ABCC1: variants seen among roughly 807,000 people sequenced by gnomAD.
ABCC1 encodes the protein multidrug resistance-associated protein 1.
ABCC1 carries 83 observed loss-of-function variants against 172.9 expected under a neutral mutation model. The observed-to-expected ratio is 0.48, with a 90% confidence interval of 0.40 to 0.58. The LOEUF (loss-of-function observed/expected upper bound fraction) is 0.58. Among genes scored for constraint, ABCC1 ranks in the 20% least tolerant of loss-of-function variants. The pLI is 0.00. For missense variants in ABCC1, 1,817 were observed against 2,002.7 expected (o/e 0.91, Z 1.77); for synonymous variants, 937 against 825.2 (o/e 1.14, Z -2.32).
intron 14 of ABCC1, among the ~76,000 whole-genome samples, chr16:16,073,064 T>C (rs927346282): frequency 2.0e-5 from 3 of 149,478 alleles, no homozygotes; most frequent in African/African-American, 7.4e-5. Context: ...AAAATAATAA[T>C]AATAAATATT....
At chr16:16,032,583 G>A (rs367819029) in intron 5 of ABCC1, among the ~76,000 whole-genome samples, 2 of 152,346 alleles carry the variant, frequency 1.3e-5, no homozygotes, top group Non-Finnish European at 2.9e-5. Context: ...AGAATTCCAT[G>A]AGGATATAAA....
intron 1 of ABCC1, among the ~76,000 whole-genome samples, chr16:15,987,137 T>G (rs1399882461): frequency 1.3e-5 from 2 of 152,078 alleles, no homozygotes; most frequent in Non-Finnish European, 1.5e-5. Flanking sequence ...TGCAGTCCAG[T>G]CTGGGCAACA....
In ABCC1 at chr16:16,042,173, GTTT is replaced by G. The variant is rs57457665; in HGVS notation, c.810-2259_810-2257del. 7.5e-3 allele frequency among the ~76,000 whole-genome samples: 1,003 copies of G among 133,792 alleles called. 15 individuals are homozygous for G. Among genetic ancestry groups the G allele is most frequent in the African/African-American group, 0.024 (900 of 36,864 alleles). 87.8% of individuals were successfully genotyped at this position (133,792 alleles called of 152,430 possible). A position where few individuals can be genotyped will look rare whatever the true frequency, so the allele number is the denominator to read the frequency against. ...TCTGTGACTCTGGAAGAGTTTGGCA[GTTT>G]TTTTTTTTTTTTTTTTTAAGTTAGA... is the stretch of plus-strand genomic sequence containing the variant. On this transcript the variant is annotated intron_variant, in intron 7 of 30. Coordinates refer to ENST00000399410, the MANE Select transcript of ABCC1 (RefSeq NM_004996.4).
At chr16:16,028,534 T>C (rs1171742579) in intron 5 of ABCC1, among the ~76,000 whole-genome samples, 8 of 152,164 alleles carry the variant, frequency 5.3e-5, no homozygotes, top group Admixed American at 5.2e-4. Context: ...TGAAATGGAT[T>C]TGCAATTCCC....
chr16:16,087,355 C>T lies in ABCC1; in HGVS notation c.2460+364C>T, dbSNP rs142689614. Among the ~76,000 whole-genome samples, 291 of 152,240 alleles carry T rather than the reference C, an allele frequency of 1.9e-3. 1 individual carries two copies. The highest frequency in any genetic ancestry group is 3.5e-3 in the Non-Finnish European group (239 of 68,016). On this transcript the variant is annotated intron_variant, in intron 18 of 30. Transcript: ENST00000399410. Reference sequence around the variant, plus strand: ...CAGAGGTGTCTGTGGGTAGAGGGGTCGGAAAATTGCCACAACACCTTAACA... The same window carrying T: ...CAGAGGTGTCTGTGGGTAGAGGGGTTGGAAAATTGCCACAACACCTTAACA...
chr16:16,132,945 G>A (rs1220095580), intron 27 of ABCC1, among the ~76,000 whole-genome samples: 1 of 152,108 alleles, frequency 6.6e-6, no homozygotes, highest in East Asian at 1.9e-4. Flanking sequence ...TCCCCCGCCT[G>A]GCTCTTTCTA....
rs572838375 is a variant in ABCC1 at position 15,993,996 on chromosome 16, C to T, written c.49-13820C>T. ...CTCTAATCCCGGCACTCTGGGAGGC[C>T]GAGGCGGGCAGACTGAGTTCAAGAC... On this transcript the variant is annotated intron_variant, in intron 1 of 30. Coordinates refer to ENST00000399410, the MANE Select transcript of ABCC1 (RefSeq NM_004996.4). Among the ~76,000 whole-genome samples the T allele has an allele frequency of 8.5e-5, 13 of 152,136 alleles. No individual in the cohort carries two copies. The East Asian group carries it at 1.9e-3, about 23-fold the overall frequency.
chr16:16,141,197 A>C lies in ABCC1; in HGVS notation c.4512A>C (p.Glu1504Asp). 6.2e-7 allele frequency: 1 copy of C among 1,613,924 alleles called. No individual in the cohort carries two copies. The highest frequency in any genetic ancestry group is 8.5e-7 in the Non-Finnish European group (1 of 1,179,922). The change falls in exon 31 of 31, where the codon GAA (glutamate) becomes GAC (aspartate). Residue 1504 changes from glutamate (E) to aspartate (D), a missense_variant. Around this residue, in one of 3 missense-constraint regions of ABCC1, gnomAD observed 1,412 missense variants for 1,600.3 expected, o/e 0.88. Coordinates refer to ENST00000399410, the MANE Select transcript of ABCC1 (RefSeq NM_004996.4). ...YTRVIVLDKG[E>D]IQEYGAPSDL... ...GGGTGATCGTCTTGGACAAAGGAGA[A>C]ATCCAGGAGTACGGCGCCCCATCGG...
At chr16:15,959,847 A>AT (rs972662275) in intron 1 of ABCC1, among the ~76,000 whole-genome samples, 3 of 152,032 alleles carry the variant, frequency 2.0e-5, no homozygotes, top group African/African-American at 7.2e-5. Context: ...AGGAATTGAG[A>AT]TTTTTATGGA....
chr16:15,993,599 GC>G (rs985143822), intron 1 of ABCC1, among the ~76,000 whole-genome samples: 12 of 152,228 alleles, frequency 7.9e-5, no homozygotes, highest in Non-Finnish European at 1.5e-4. Context: ...GCACAGGATG[GC>G]CCCCGACAAC....
intron 4 of ABCC1, 109 bp downstream of exon 4, chr16:16,014,737 G>A: frequency 7.5e-7 from 1 of 1,328,246 alleles, no homozygotes; most frequent in East Asian, 2.3e-5. Flanking sequence ...ACCAGGGGCT[G>A]GGTACCACAT....
intron 23 of ABCC1, among the ~76,000 whole-genome samples, chr16:16,115,489 G>A (rs1020187362): frequency 6.6e-6 from 1 of 151,972 alleles, no homozygotes; most frequent in African/African-American, 2.4e-5. Flanking sequence ...GAGTTAACAG[G>A]TGCGCACCAC....
intron 24 of ABCC1, among the ~76,000 whole-genome samples, 190 bp from the exon 25 acceptor site, chr16:16,124,599 C>T (rs937947951): frequency 3.9e-5 from 6 of 152,166 alleles, no homozygotes; most frequent in African/African-American, 1.4e-4. Flanking sequence ...TGGCCTCGTG[C>T]CTTCGGCCCT....
chr16:16,007,702 A>C, intron 1 of ABCC1, 114 bp from the exon 2 acceptor site: 1 of 1,003,548 alleles, frequency 1.0e-6, no homozygotes, highest in Non-Finnish European at 1.5e-6. Context: ...CCTTGGATAT[A>C]TAGGAGCCTT....
chr16:16,069,201 TAAATAAATAA>T (rs1567369109), intron 13 of ABCC1, among the ~76,000 whole-genome samples: 117 of 145,002 alleles, frequency 8.1e-4, no homozygotes, highest in East Asian at 5.2e-3. Context: ...AATAAATAAA[TAAATAAATAA>T]ATATGTTTGA....
At chr16:15,997,212 C>T (rs2047088497) in intron 1 of ABCC1, among the ~76,000 whole-genome samples, 1 of 152,008 alleles carries the variant, frequency 6.6e-6, no homozygotes, top group Non-Finnish European at 1.5e-5. Flanking sequence ...CTGTCTCAGC[C>T]TCTCACGTAG....
At chr16:16,086,454 T>C (rs905640682) in intron 17 of ABCC1, among the ~76,000 whole-genome samples, 1 of 152,070 alleles carries the variant, frequency 6.6e-6, no homozygotes, top group African/African-American at 2.4e-5. Context: ...TCTATGCCTT[T>C]CTTTCTTTCT....
At chr16:15,963,597 C>T (rs1597056343) in intron 1 of ABCC1, among the ~76,000 whole-genome samples, 1 of 152,226 alleles carries the variant, frequency 6.6e-6, no homozygotes, top group East Asian at 1.9e-4. Flanking sequence ...TATGTACCCA[C>T]AGGCTCAATA....
chr16:16,012,810 A>G (rs1358401979), intron 3 of ABCC1, among the ~76,000 whole-genome samples: 3 of 150,834 alleles, frequency 2.0e-5, no homozygotes, highest in Non-Finnish European at 3.0e-5. Context: ...AGCTTCCCCA[A>G]TAACTGGGAT....
Sources: gnomAD v4.1 joint callset for allele counts (sites outside exome capture counted in the v4.1 genomes callset) on GRCh38, gnomAD v4.1.1 for gene constraint, gnomAD v4.1.1 regional missense constraint, MANE v1.5 for transcripts, NCBI Gene and HGNC (gene_info 2026-07-23, HGNC 2026-07-21) for gene names.